ADGRF4: variants seen among roughly 807,000 people sequenced by gnomAD.
The protein encoded by ADGRF4 is adhesion G protein-coupled receptor F4, also known as G-protein coupled receptor PGR18.
In ADGRF4, 63 loss-of-function variants were observed where a neutral mutation model predicts 58.5. The observed-to-expected ratio is 1.08, with a 90% CI of 0.88 to 1.33. ADGRF4 has a LOEUF of 1.33. ADGRF4 is among the 40% of genes most tolerant of loss of function. The probability of loss-of-function intolerance (pLI) is 0.00; values close to 1 mark genes in which losing one functional copy is unlikely to be tolerated. For missense variants in ADGRF4, 931 were observed against 843.9 expected (o/e 1.10, Z -1.28); for synonymous variants, 313 against 295.4 (o/e 1.06, Z -0.61).
At position 47,708,323 on chromosome 6, in the gene ADGRF4, G is replaced by A. The variant is rs368981044; in HGVS notation, c.148+45G>A. The A allele has an allele frequency of 4.8e-6, 7 of 1,455,084 alleles. No individual in the cohort carries two copies. In the African/African-American group the frequency reaches 8.4e-5, roughly 17 times the overall value. The allele number at this position is 1,455,084 out of a possible 1,614,324, so 90.1% of individuals were successfully genotyped here. A position where few individuals can be genotyped will look rare whatever the true frequency, so the allele number is the denominator to read the frequency against. Reference sequence around the variant, plus strand: ...TCTTCATCCATTTGAAGACAGGGAAGAATAAAGGAAGGGCACTGATGTTGC... The same window carrying A: ...TCTTCATCCATTTGAAGACAGGGAAAAATAAAGGAAGGGCACTGATGTTGC... On this transcript the variant is annotated intron_variant, in intron 3 of 9. Transcript: ENST00000283303.
chr6:47,701,076 T>G (rs968822687), intron 1 of ADGRF4, among the ~76,000 whole-genome samples: 1 of 152,206 alleles, frequency 6.6e-6, no homozygotes, highest in Non-Finnish European at 1.5e-5. Flanking sequence ...ACTGTAAACT[T>G]GATGGAGAGG....
intron 8 of ADGRF4, 142 bp from the exon 9 acceptor site, chr6:47,718,247 T>C (rs965296847): frequency 6.6e-6 from 4 of 604,498 alleles, no homozygotes; most frequent in South Asian, 2.3e-5. Flanking sequence ...CAGTGAAATA[T>C]GATAATTTAC....
At chr6:47,717,607 A>G (rs778056361) in intron 8 of ADGRF4, among the ~76,000 whole-genome samples, 9 of 152,256 alleles carry the variant, frequency 5.9e-5, no homozygotes, top group Non-Finnish European at 8.8e-5. Context: ...AGATGGGACC[A>G]CATGAACTCA....
rs1412311247 is a variant in ADGRF4 at position 47,714,152 on chromosome 6, A to G, written c.907A>G (p.Arg303Gly). 3 of 1,614,010 alleles carry G rather than the reference A, an allele frequency of 1.9e-6. No individual in the cohort carries two copies. The highest frequency in any genetic ancestry group is 4.5e-5 in the East Asian group (2 of 44,884). The change falls in exon 6 of 10, where the codon AGA (arginine) becomes GGA (glycine). Residue 303 changes from arginine (R) to glycine (G), a missense_variant. Physicochemically the swap from Arg to Gly is moderately radical, Grantham distance 125. Transcript: ENST00000283303. ...TTTCCCAACCTTGGGGGCTATCCTG[A>G]GAGAAGCCCACTTGCAAAATGTGAG... ...IAFPTLGAIL[R>G]EAHLQNVSLP...
At chr6:47,699,659 AT>A (rs1484455655) in intron 1 of ADGRF4, among the ~76,000 whole-genome samples, 1 of 152,194 alleles carries the variant, frequency 6.6e-6, no homozygotes, top group Admixed American at 6.5e-5. Context: ...GATGTTTCTG[AT>A]TCTAATAGTT....
At chr6:47,699,750 T>A (rs569167856) in intron 1 of ADGRF4, among the ~76,000 whole-genome samples, 32 of 152,160 alleles carry the variant, frequency 2.1e-4, no homozygotes, top group Non-Finnish European at 3.5e-4. Context: ...GGTAACTAAA[T>A]AGATTCTGCT....
intron 1 of ADGRF4, among the ~76,000 whole-genome samples, chr6:47,699,942 C>T (rs964081948): frequency 4.0e-5 from 6 of 151,158 alleles, no homozygotes; most frequent in African/African-American, 1.5e-4. Flanking sequence ...CACCCCCCCC[C>T]CCAAAATGTG....
chr6:47,715,447 A>G (rs2113906515), intron 6 of ADGRF4: 1 of 338,446 alleles, frequency 3.0e-6, no homozygotes, highest in East Asian at 4.9e-5. Context: ...CTTCACTTAT[A>G]GAGGACTATT....
intron 1 of ADGRF4, among the ~76,000 whole-genome samples, chr6:47,700,925 A>T (rs928418810): frequency 1.3e-5 from 2 of 151,260 alleles, no homozygotes; most frequent in African/African-American, 4.9e-5. Flanking sequence ...ATAGAGAAAC[A>T]TCAGGTGTTT....
At chr6:47,720,772 G>A (rs1431755457) in intron 9 of ADGRF4, among the ~76,000 whole-genome samples, 1 of 152,278 alleles carries the variant, frequency 6.6e-6, no homozygotes, top group East Asian at 1.9e-4. Context: ...ATTTGTTTAT[G>A]CCTGTTTAGT....
At chr6:47,702,558 G>A (rs1269581675) in intron 1 of ADGRF4, among the ~76,000 whole-genome samples, 2 of 152,182 alleles carry the variant, frequency 1.3e-5, no homozygotes, top group East Asian at 3.8e-4. Flanking sequence ...CAAACAAATG[G>A]TGGATAATAT....
chr6:47,718,272 A>G (rs1282888571), intron 8 of ADGRF4, 117 bp from the exon 9 acceptor site: 1 of 718,866 alleles, frequency 1.4e-6, no homozygotes, highest in African/African-American at 1.7e-5. Flanking sequence ...GTGTAGCTAT[A>G]TCAGTGTGGG....
Position 47,712,575 on chromosome 6 carries a change from C to T in ADGRF4, c.519C>T (p.Asp173=), listed in dbSNP as rs764111978. ...AGTTATTAAAAAATATTTCTACAGACTTGTCTGATAATGTTACTCGAGAGA... is the reference window on the plus strand; with the variant it reads ...AGTTATTAAAAAATATTTCTACAGATTTGTCTGATAATGTTACTCGAGAGA... The part of the protein sequence containing the change: ...IVELLKNIST[D]LSDNVTREKM... The change falls in exon 5 of 10, where the codon GAC becomes GAT. Residue 173 remains aspartate, a synonymous_variant. Coordinates refer to ENST00000283303, the MANE Select transcript of ADGRF4 (RefSeq NM_153838.5). The T allele has an allele frequency of 1.3e-6, 2 of 1,585,152 alleles. No homozygotes were observed. Among genetic ancestry groups the T allele is most frequent in the Non-Finnish European group, 8.7e-7 (1 of 1,153,622 alleles).
Position 47,715,107 on chromosome 6 carries a change from G to C in ADGRF4, c.1862G>C (p.Gly621Ala), listed in dbSNP as rs181976839. ...TPLLGLTWGFGIATLIEGTSL... is the reference protein window; with the variant it reads ...TPLLGLTWGFAIATLIEGTSL... ...CTGCTGGGACTGACCTGGGGTTTTG[G>C]AATAGCCACTCTCATAGAAGGCACT... The change falls in exon 6 of 10, where the codon GGA becomes GCA. Residue 621 changes from glycine to alanine, a missense_variant. Gly to Ala is a moderately conservative substitution (Grantham distance 60). Transcript: ENST00000283303. 6.2e-7 allele frequency: 1 copy of C among 1,606,872 alleles called. No individual in the cohort carries two copies. Among genetic ancestry groups the C allele is most frequent in the East Asian group, 2.2e-5 (1 of 44,614 alleles).
At position 47,714,326 on chromosome 6, in the gene ADGRF4, G is replaced by A. The variant is rs1424708170; in HGVS notation, c.1081G>A (p.Glu361Lys). The A allele has an allele frequency of 1.2e-6, 2 of 1,614,216 alleles. No individual in the cohort carries two copies. Among genetic ancestry groups the A allele is most frequent in the Admixed American group, 1.7e-5 (1 of 60,026 alleles). The change falls in exon 6 of 10, where the codon GAG becomes AAG. Residue 361 changes from glutamate (E) to lysine (K), a missense_variant. Coordinates refer to ENST00000283303, the MANE Select transcript of ADGRF4 (RefSeq NM_153838.5). ...GCACTCCAAGAAAAGGAGATGGGAT[G>A]AGAAAGCGTGCCAAATGATGTTGGA... ...GWHSKKRRWD[E>K]KACQMMLDIR...
At chr6:47,720,873 T>C (rs938140839) in intron 9 of ADGRF4, among the ~76,000 whole-genome samples, 1 of 151,948 alleles carries the variant, frequency 6.6e-6, no homozygotes, top group African/African-American at 2.4e-5. Context: ...AGCAACACGG[T>C]TTACAATGTA....
intron 1 of ADGRF4, among the ~76,000 whole-genome samples, chr6:47,703,297 T>C (rs1771630952): frequency 6.6e-6 from 1 of 152,202 alleles, no homozygotes; most frequent in African/African-American, 2.4e-5. Context: ...GCCAAAGCTT[T>C]TAATAAAATT....
In ADGRF4 at chr6:47,712,394, C is replaced by T. The variant is rs149916768; in HGVS notation, c.338C>T (p.Pro113Leu). 2 of 1,613,842 alleles carry T rather than the reference C, an allele frequency of 1.2e-6. No homozygotes were observed. The highest frequency in any genetic ancestry group is 1.7e-6 in the Non-Finnish European group (2 of 1,179,800). Residue 113 changes from proline (P) to leucine (L), a missense_variant, in exon 5 of 10, where the codon CCA (proline) becomes CTA (leucine). Physicochemically the swap from Pro to Leu is moderately conservative, Grantham distance 98. Transcript: ENST00000283303. ...TGASRLSVAA[P>L]SIPLHILDFR... ...GCATCTCGCCTTTCTGTAGCAGCACCATCTATACCTCTGCATATTCTAGAC... is the reference window on the plus strand; with the variant it reads ...GCATCTCGCCTTTCTGTAGCAGCACTATCTATACCTCTGCATATTCTAGAC...
At chr6:47,707,461 G>A in intron 2 of ADGRF4, 123 bp downstream of exon 2, 1 of 682,638 alleles carries the variant, frequency 1.5e-6, no homozygotes, top group African/African-American at 1.8e-5. Flanking sequence ...CTTTACTCTT[G>A]CTGATAGTAA....
Sources: allele counts gnomAD v4.1 joint callset (sites outside exome capture counted in the v4.1 genomes callset), GRCh38; gene constraint gnomAD v4.1.1; transcripts MANE v1.5; gene names NCBI Gene and HGNC (gene_info 2026-07-23, HGNC 2026-07-21).